ZPBP: variants seen among roughly 807,000 people sequenced by gnomAD.
ZPBP encodes zona pellucida binding protein.
A neutral mutation model predicts 44.8 loss-of-function variants in ZPBP; 26 were observed. The ratio of observed to expected loss-of-function variants is 0.58; its 90% CI spans 0.43 to 0.81. ZPBP has a LOEUF of 0.81. Among genes scored for constraint, ZPBP ranks in the 30% least tolerant of loss-of-function variants. The probability of loss-of-function intolerance (pLI) is 0.00; values close to 1 mark genes in which losing one functional copy is unlikely to be tolerated. For synonymous variants in ZPBP, 174 were observed against 153.2 expected, an observed-to-expected ratio of 1.14 and a Z score of -1.00; for missense variants, 409 against 434.0, an observed-to-expected ratio of 0.94 and a Z score of 0.51.
At position 49,932,072 on chromosome 7, in the gene ZPBP, C is replaced by G. The variant is rs1583863402; in HGVS notation, n.411+3679G>C. On this transcript the variant is annotated intron_variant and non_coding_transcript_variant, in intron 1 of 2. Transcript: ENST00000465922. ...GATTTCAGAGGATGTACGGAAATGC[C>G]TGGATGTCCAGGCAGAGGTGTGCTG... is the stretch of plus-strand genomic sequence containing the variant. Among the ~76,000 whole-genome samples, 3 of 152,240 alleles carry G rather than the reference C, an allele frequency of 2.0e-5. No homozygotes were observed. The East Asian group carries it at 5.8e-4, about 29-fold the overall frequency.
intron 5 of ZPBP, among the ~76,000 whole-genome samples, chr7:50,023,553 T>C (rs1309106820): frequency 6.6e-6 from 1 of 151,966 alleles, no homozygotes; most frequent in Non-Finnish European, 1.5e-5. Context: ...TAACTAATTT[T>C]TTACTACCTA....
At chr7:50,079,526 T>C (rs1440910211) in intron 3 of ZPBP, among the ~76,000 whole-genome samples, 3 of 151,464 alleles carry the variant, frequency 2.0e-5, no homozygotes, top group Admixed American at 1.3e-4. Flanking sequence ...ACCACAAATA[T>C]AGGGTAGAAT....
intron 1 of ZPBP, among the ~76,000 whole-genome samples, chr7:49,926,545 C>T (rs1199372060): frequency 1.3e-5 from 2 of 152,210 alleles, no homozygotes; most frequent in East Asian, 1.9e-4. Flanking sequence ...TAAGCCATAA[C>T]ACCTGCATGC....
the ZPBP span, among the ~76,000 whole-genome samples, chr7:49,840,913 T>A: frequency 3.3e-5 from 5 of 152,140 alleles, no homozygotes; most frequent in African/African-American, 1.2e-4. Flanking sequence ...TGAAAGCTGG[T>A]CAACACTATA....
intron 5 of ZPBP, among the ~76,000 whole-genome samples, chr7:50,024,576 G>C (rs967402705): frequency 6.6e-6 from 1 of 151,746 alleles, no homozygotes; most frequent in Non-Finnish European, 1.5e-5. Context: ...TATAGGCTCA[G>C]AAAGAAAAAT....
At chr7:49,923,422 T>G (rs891681507) in intron 1 of ZPBP, among the ~76,000 whole-genome samples, 1 of 152,214 alleles carries the variant, frequency 6.6e-6, no homozygotes, top group African/African-American at 2.4e-5. Context: ...TTTAATATGC[T>G]GAATGAAAAG....
chr7:49,983,509 A>C lies in ZPBP; in HGVS notation c.794T>G (p.Leu265Arg). ...TTGTTGATTAAAAAATCTCTCTATG[A>C]GATTTTTAGCCTAAAACATAAATAC... ...PYKRLFKAKNLIERFFNQQVE... is the reference protein window; with the variant it reads ...PYKRLFKAKNRIERFFNQQVE... The change falls in exon 7 of 8, where the codon CTC becomes CGC. Residue 265 changes from leucine (L) to arginine (R), a missense_variant. By Grantham distance (102) the Leu-to-Arg change is moderately radical. Around this residue, in one of 2 missense-constraint regions of ZPBP, gnomAD observed 367 missense variants for 363.1 expected, o/e 1.01. Transcript: ENST00000046087. 6.3e-7 allele frequency: 1 copy of C among 1,598,474 alleles called. No individual in the cohort carries two copies. The highest frequency in any genetic ancestry group is 8.5e-7 in the Non-Finnish European group (1 of 1,169,796).
intron 7 of ZPBP, among the ~76,000 whole-genome samples, chr7:49,941,349 A>AT (rs1794876496): frequency 6.6e-6 from 1 of 152,152 alleles, no homozygotes; most frequent in South Asian, 2.1e-4. Flanking sequence ...CCATGCACCC[A>AT]TGTCCATTGT....
At chr7:50,069,837 C>T (rs976071095) in intron 3 of ZPBP, among the ~76,000 whole-genome samples, 1 of 152,060 alleles carries the variant, frequency 6.6e-6, no homozygotes, top group Non-Finnish European at 1.5e-5. Flanking sequence ...TAGCCTGCTG[C>T]GGCTACGAAG....
chr7:50,049,021 G>T (rs1479577010), intron 4 of ZPBP, among the ~76,000 whole-genome samples: 2 of 151,518 alleles, frequency 1.3e-5, no homozygotes, highest in East Asian at 3.9e-4. Flanking sequence ...AGAAATAAAA[G>T]AATTACAAAG....
chr7:50,028,912 A>G (rs1353181569), intron 5 of ZPBP, among the ~76,000 whole-genome samples: 2 of 152,196 alleles, frequency 1.3e-5, no homozygotes, highest in Non-Finnish European at 2.9e-5. Context: ...GGTGGCAATA[A>G]TATCCAAAGC....
chr7:49,921,020 C>A (rs1205550084), intron 1 of ZPBP: 2 of 152,156 alleles, frequency 1.3e-5, no homozygotes, highest in East Asian at 1.9e-4. Context: ...GTGTTCATGT[C>A]CTGTACAAAT....
intron 4 of ZPBP, among the ~76,000 whole-genome samples, chr7:50,043,402 AC>A (rs1800190865): frequency 6.6e-6 from 1 of 152,134 alleles, no homozygotes; most frequent in Non-Finnish European, 1.5e-5. Context: ...TGGTCTCGAC[AC>A]CCATTGGTGT....
intron 7 of ZPBP, among the ~76,000 whole-genome samples, chr7:49,946,308 T>G (rs1212945563): frequency 6.6e-6 from 1 of 152,166 alleles, no homozygotes; most frequent in Admixed American, 6.6e-5. Context: ...AGATGATTTC[T>G]TATTGTTCAT....
intron 7 of ZPBP, among the ~76,000 whole-genome samples, chr7:49,944,898 G>C (rs1253930087): frequency 1.3e-5 from 2 of 151,592 alleles, no homozygotes. Flanking sequence ...TTTGGGGTTT[G>C]GTTTGCCCTT....
intron 4 of ZPBP, among the ~76,000 whole-genome samples, chr7:50,045,543 A>G (rs1445909192): frequency 6.6e-6 from 1 of 152,210 alleles, no homozygotes; most frequent in Non-Finnish European, 1.5e-5. Context: ...AATCCCATTC[A>G]CAATTGCTAC....
At chr7:49,899,981 T>G (rs975337545) in intron 2 of ZPBP, among the ~76,000 whole-genome samples, 1 of 151,858 alleles carries the variant, frequency 6.6e-6, no homozygotes, top group African/African-American at 2.4e-5. Context: ...GCTCTCAGAC[T>G]ACAAGGGAAT....
chr7:49,893,175 G>A (rs1055182181), intron 2 of ZPBP, among the ~76,000 whole-genome samples: 7 of 152,068 alleles, frequency 4.6e-5, no homozygotes, highest in African/African-American at 1.7e-4. Context: ...TTGAATTTTG[G>A]TGGAGACTGG....
chr7:50,067,875 G>A (rs1381646167), intron 3 of ZPBP, among the ~76,000 whole-genome samples: 2 of 152,194 alleles, frequency 1.3e-5, no homozygotes, highest in Admixed American at 1.3e-4. Flanking sequence ...TATGACTTGA[G>A]TTAGAGTTAG....
Sources: allele counts gnomAD v4.1 joint callset (sites outside exome capture counted in the v4.1 genomes callset), GRCh38; gene constraint gnomAD v4.1.1; regional missense constraint gnomAD v4.1.1; transcripts MANE v1.5; gene names NCBI Gene and HGNC (gene_info 2026-07-23, HGNC 2026-07-21).